CCDC175: variants seen among roughly 807,000 people sequenced by gnomAD.
The protein encoded by CCDC175 is coiled-coil domain containing 175.
In CCDC175, 100 loss-of-function variants were observed where a neutral mutation model predicts 114.6. That is an observed-to-expected ratio of 0.87 (90% CI 0.74 to 1.03). The LOEUF is 1.03. CCDC175 is among the 50% of genes least tolerant of loss of function. The pLI, the probability that CCDC175 is intolerant of heterozygous loss-of-function variation, is 0.00. For missense variants in CCDC175, 880 were observed against 917.8 expected (o/e 0.96, Z 0.53); for synonymous variants, 306 against 308.7 (o/e 0.99, Z 0.09).
intron 17 of CCDC175, among the ~76,000 whole-genome samples, chr14:59,517,032 T>C (rs192621047): frequency 3.9e-5 from 6 of 152,302 alleles, no homozygotes; most frequent in Admixed American, 2.6e-4. Flanking sequence ...AATCAATAAA[T>C]GTAATCCAGC....
intron 7 of CCDC175, among the ~76,000 whole-genome samples, chr14:59,554,643 TA>T (rs1895755941): frequency 6.6e-6 from 1 of 151,872 alleles, no homozygotes; most frequent in East Asian, 1.9e-4. Context: ...AATAGAGACA[TA>T]AAAAACCCTT....
At chr14:59,506,275 A>ATTTTTTTTTTTTT (rs35322741) in intron 19 of CCDC175, among the ~76,000 whole-genome samples, 5 of 136,032 alleles carry the variant, frequency 3.7e-5, no homozygotes, top group African/African-American at 5.5e-5. Flanking sequence ...GAGCACAGGG[A>ATTTTTTTTTTTTT]TTTTTTTTTT....
chr14:59,505,280 G>T lies in CCDC175; in HGVS notation c.2341C>A (p.Pro781Thr). The T allele has an allele frequency of 6.6e-7, 1 of 1,509,258 alleles. No homozygotes were observed. Among genetic ancestry groups the T allele is most frequent in the Non-Finnish European group, 8.9e-7 (1 of 1,128,224 alleles). 93.5% of individuals were successfully genotyped at this position (1,509,258 alleles called of 1,614,324 possible). A position where few individuals can be genotyped will look rare whatever the true frequency, so the allele number is the denominator to read the frequency against. ...TTTTTCTCAGTACATTTAACCACTGGGAAATGAACCCTTGTACGAATGTGT... is the reference window on the plus strand; with the variant it reads ...TTTTTCTCAGTACATTTAACCACTGTGAAATGAACCCTTGTACGAATGTGT... The part of the protein sequence containing the change: ...KKHIRTRVHF[P>T]VVKCTEKNTL... The change falls in exon 20 of 20, where the codon CCA (proline) becomes ACA (threonine). Residue 781 changes from proline (P) to threonine (T), a missense_variant. By Grantham distance (38) the Pro-to-Thr change is conservative (BLOSUM62 -1). Transcript: ENST00000537690.
chr14:59,531,064 C>G (rs1372945199), intron 14 of CCDC175, among the ~76,000 whole-genome samples: 3 of 151,470 alleles, frequency 2.0e-5, no homozygotes, highest in African/African-American at 7.3e-5. Flanking sequence ...CTCCTAAGCC[C>G]AGGAGTTTGA....
In CCDC175 at chr14:59,576,768, A is replaced by G. The variant is rs951257360; in HGVS notation, c.8T>C (p.Leu3Pro). The change falls in exon 1 of 20, where the codon CTG becomes CCG. Residue 3 changes from leucine to proline, a missense_variant. Physicochemically the swap from Leu to Pro is moderately conservative, Grantham distance 98. Coordinates refer to ENST00000537690, the MANE Select transcript of CCDC175 (RefSeq NM_001164399.2). ...GCCCAGCCCTGGGGTCCAGGGGCTC[A>G]GGGCCATTTTGCCGCTCTACTTGAG... Reference protein sequence around the residue: MALSPWTPGLGAG... With the variant: MAPSPWTPGLGAG... 1.4e-6 allele frequency: 2 copies of G among 1,442,254 alleles called. No homozygotes were observed. The highest frequency in any genetic ancestry group is 1.4e-5 in the South Asian group (1 of 70,232). 89.3% of individuals were successfully genotyped at this position (1,442,254 alleles called of 1,614,324 possible). A position where few individuals can be genotyped will look rare whatever the true frequency, so the allele number is the denominator to read the frequency against.
intron 3 of CCDC175, among the ~76,000 whole-genome samples, chr14:59,571,835 A>C (rs1896865742): frequency 6.6e-6 from 1 of 152,214 alleles, no homozygotes; most frequent in Admixed American, 6.5e-5. Context: ...AAAAAAATTG[A>C]AAGCAGGCAC....
At chr14:59,514,602 G>A (rs1415523144) in intron 17 of CCDC175, among the ~76,000 whole-genome samples, 4 of 152,238 alleles carry the variant, frequency 2.6e-5, no homozygotes, top group East Asian at 1.9e-4. Flanking sequence ...GAAGCGAGAA[G>A]AGAAGTTTAG....
intron 15 of CCDC175, 31 bp downstream of exon 15, chr14:59,527,063 TA>T (rs770705141): frequency 8.5e-5 from 98 of 1,155,552 alleles, no homozygotes; most frequent in East Asian, 1.1e-4. Flanking sequence ...CTAATAATAA[TA>T]AAAAAAAGAA....
chr14:59,518,111 T>C (rs1271576531), intron 17 of CCDC175, among the ~76,000 whole-genome samples: 1 of 152,200 alleles, frequency 6.6e-6, no homozygotes, highest in Non-Finnish European at 1.5e-5. Flanking sequence ...GAAAACTGGC[T>C]AGCCATATGG....
chr14:59,526,154 T>TCTATTATTATA lies in CCDC175; in HGVS notation c.1843-731_1843-721dup, dbSNP rs1282920047. ...CTCTATTGAATTCTCTATTCAGTTC[T>TCTATTATTATA]CTATTATTATACTATTATAAGTTGC... On this transcript the variant is annotated intron_variant, in intron 15 of 19. Transcript: ENST00000537690. Among the ~76,000 whole-genome samples the TCTATTATTATA allele has an allele frequency of 3.3e-5, 5 of 152,230 alleles. No individual in the cohort carries two copies. In the East Asian group the frequency reaches 9.6e-4, roughly 29 times the overall value.
intron 16 of CCDC175, 22 bp from the exon 17 acceptor site, chr14:59,521,698 T>TCACA: frequency 7.7e-7 from 1 of 1,300,184 alleles, no homozygotes; most frequent in Non-Finnish European, 1.1e-6. Flanking sequence ...AAGCATGTGA[T>TCACA]TGCTTTTAGC....
At chr14:59,554,245 C>A (rs113861958) in intron 7 of CCDC175, among the ~76,000 whole-genome samples, 2 of 152,182 alleles carry the variant, frequency 1.3e-5, no homozygotes, top group Non-Finnish European at 2.9e-5. Context: ...TGTAAAAGAA[C>A]AGAAATTATA....
intron 14 of CCDC175, among the ~76,000 whole-genome samples, chr14:59,530,142 G>A (rs1488733556): frequency 6.6e-6 from 1 of 152,038 alleles, no homozygotes; most frequent in Non-Finnish European, 1.5e-5. Context: ...AGGCTGAGGT[G>A]GACCTCATGA....
intron 3 of CCDC175, among the ~76,000 whole-genome samples, chr14:59,570,879 C>T (rs12895290): frequency 0.32 from 48,527 of 151,984 alleles, 8,254 homozygotes; most frequent in African/African-American, 0.43. Flanking sequence ...GCGGGGACTA[C>T]AGGCATGCGC....
chr14:59,563,560 C>G (rs748089175), intron 6 of CCDC175, among the ~76,000 whole-genome samples, 177 bp downstream of exon 6: 12 of 151,634 alleles, frequency 7.9e-5, no homozygotes, highest in South Asian at 2.1e-4. Context: ...TTCTTCCCAT[C>G]ATATTCCTGA....
chr14:59,534,466 T>C (rs1392033411), intron 13 of CCDC175, among the ~76,000 whole-genome samples: 3 of 152,204 alleles, frequency 2.0e-5, no homozygotes, highest in Non-Finnish European at 4.4e-5. Flanking sequence ...ATTCACTTCC[T>C]GTTGGTCTTT....
rs1302232979 is a variant in CCDC175, at chr14:59,531,846, G to A, written c.1688C>T (p.Pro563Leu). Reference protein sequence around the residue: ...EKEEELVEYLPQLQVAEQEYK... With the variant: ...EKEEELVEYLLQLQVAEQEYK... ...CTCTTGTTCTGCCACCTGAAGTTGT[G>A]GAAGATACTCAACTAGTTCTTCTTC... is the stretch of plus-strand genomic sequence containing the variant. Residue 563 changes from proline to leucine, a missense_variant, in exon 14 of 20, where the codon CCA becomes CTA. Pro to Leu is a moderately conservative substitution (Grantham distance 98). Coordinates refer to ENST00000537690, the MANE Select transcript of CCDC175 (RefSeq NM_001164399.2). 2.8e-6 allele frequency: 4 copies of A among 1,419,084 alleles called. No homozygotes were observed. Among genetic ancestry groups the A allele is most frequent in the African/African-American group, 2.8e-5 (2 of 70,494 alleles). The allele number at this position is 1,419,084 out of a possible 1,614,324, so 87.9% of individuals were successfully genotyped here.
chr14:59,554,050 G>A (rs1251115441), intron 7 of CCDC175, among the ~76,000 whole-genome samples: 1 of 152,188 alleles, frequency 6.6e-6, no homozygotes, highest in Non-Finnish European at 1.5e-5. Flanking sequence ...ACATTAGACA[G>A]ATCAATGAGA....
intron 4 of CCDC175, among the ~76,000 whole-genome samples, chr14:59,566,684 A>C (rs532707597): frequency 2.0e-5 from 3 of 152,322 alleles, no homozygotes; most frequent in Admixed American, 6.5e-5. Flanking sequence ...CACAGTGTGG[A>C]GCCTCAGGAA....
Sources: allele counts gnomAD v4.1 joint callset (sites outside exome capture counted in the v4.1 genomes callset), GRCh38; gene constraint gnomAD v4.1.1; transcripts MANE v1.5; gene names NCBI Gene and HGNC (gene_info 2026-07-23, HGNC 2026-07-21).